The following CFAP299 variants were observed in gnomAD, a reference collection of about 807,000 sequenced individuals.
CFAP299 encodes cilia and flagella associated protein 299, also known as cilia- and flagella-associated protein 299.
A neutral mutation model predicts 27.0 loss-of-function variants in CFAP299; 21 were observed. That is an observed-to-expected ratio of 0.78 (90% CI 0.55 to 1.12). The LOEUF (loss-of-function observed/expected upper bound fraction) is 1.12. Among genes scored for constraint, CFAP299 ranks in the 50% most tolerant of loss-of-function variants. CFAP299 has a pLI of 0.00. For missense variants in CFAP299, 310 were observed against 276.6 expected (o/e 1.12, Z -0.86); for synonymous variants, 104 against 98.1 (o/e 1.06, Z -0.36).
intron 3 of CFAP299, among the ~76,000 whole-genome samples, chr4:80,738,354 T>G (rs1724039186): frequency 6.6e-6 from 1 of 152,160 alleles, no homozygotes; most frequent in Non-Finnish European, 1.5e-5. Context: ...TACTATTTAT[T>G]TGGGTCTGTG....
chr4:80,511,232 C>A (rs1283917008), intron 2 of CFAP299, among the ~76,000 whole-genome samples: 2 of 152,022 alleles, frequency 1.3e-5, no homozygotes, highest in African/African-American at 4.8e-5. Flanking sequence ...CTAGTTCATG[C>A]AGTAATTACA....
chr4:80,546,845 A>T (rs1346186871), intron 2 of CFAP299, among the ~76,000 whole-genome samples: 2 of 152,136 alleles, frequency 1.3e-5, no homozygotes, highest in African/African-American at 4.8e-5. Flanking sequence ...TGAGTCAATT[A>T]TACCTCTTTT....
At chr4:80,958,484 A>G (rs183045565) in intron 5 of CFAP299, among the ~76,000 whole-genome samples, 1 of 152,314 alleles carries the variant, frequency 6.6e-6, no homozygotes, top group Admixed American at 6.5e-5. Flanking sequence ...AGAAATAAAT[A>G]AGATCACATG....
intron 4 of CFAP299, among the ~76,000 whole-genome samples, chr4:80,915,855 C>G (rs533320184): frequency 6.6e-6 from 1 of 151,960 alleles, no homozygotes; most frequent in Admixed American, 6.6e-5. Context: ...TCCATATTCT[C>G]TTCTTACCAT....
At chr4:80,698,179 C>T (rs1324040219) in intron 3 of CFAP299, among the ~76,000 whole-genome samples, 1 of 152,078 alleles carries the variant, frequency 6.6e-6, no homozygotes, top group Non-Finnish European at 1.5e-5. Flanking sequence ...CTCTGAGGGG[C>T]CACTTTTTAT....
intron 3 of CFAP299, among the ~76,000 whole-genome samples, chr4:80,813,489 T>G (rs879594288): frequency 2.0e-5 from 3 of 151,982 alleles, no homozygotes; most frequent in Non-Finnish European, 4.4e-5. Context: ...TCATATGTAT[T>G]TACAGAAAGG....
chr4:80,412,712 T>A (rs1726784090), intron 2 of CFAP299, among the ~76,000 whole-genome samples: 1 of 152,212 alleles, frequency 6.6e-6, no homozygotes, highest in Non-Finnish European at 1.5e-5. Flanking sequence ...CATGTAGATA[T>A]GTGTCTCAAT....
chr4:80,709,053 CT>C (rs1226986375), intron 3 of CFAP299, among the ~76,000 whole-genome samples: 1 of 152,110 alleles, frequency 6.6e-6, no homozygotes, highest in Non-Finnish European at 1.5e-5. Context: ...AACATTTTAA[CT>C]TTTCTCAATA....
chr4:80,705,110 C>A (rs187914994), intron 3 of CFAP299, among the ~76,000 whole-genome samples: 1 of 151,738 alleles, frequency 6.6e-6, no homozygotes, highest in South Asian at 2.1e-4. Flanking sequence ...AAAACACGAC[C>A]TTCTCTTTGC....
At chr4:80,765,346 G>A (rs181809354) in intron 3 of CFAP299, among the ~76,000 whole-genome samples, 88 of 152,128 alleles carry the variant, frequency 5.8e-4, no homozygotes, top group African/African-American at 2.0e-3. Context: ...CAACTTTGCT[G>A]GCATAAAAGT....
At chr4:80,616,481 G>C (rs750892552) in intron 3 of CFAP299, among the ~76,000 whole-genome samples, 2 of 151,898 alleles carry the variant, frequency 1.3e-5, no homozygotes, top group Non-Finnish European at 2.9e-5. Context: ...GGGCTGTAGA[G>C]ATCATCTAGT....
intron 3 of CFAP299, among the ~76,000 whole-genome samples, chr4:80,666,220 T>C (rs1741137577): frequency 6.6e-6 from 1 of 152,192 alleles, no homozygotes; most frequent in Admixed American, 6.5e-5. Context: ...TACTTCTCCA[T>C]AGAAGCTTTC....
intron 3 of CFAP299, among the ~76,000 whole-genome samples, chr4:80,612,020 A>G (rs1356115076): frequency 6.6e-6 from 1 of 152,082 alleles, no homozygotes; most frequent in Non-Finnish European, 1.5e-5. Context: ...GATGATGGTC[A>G]TGCTCTAAAG....
intron 3 of CFAP299, among the ~76,000 whole-genome samples, chr4:80,855,593 T>C (rs1731814715): frequency 6.6e-6 from 1 of 152,136 alleles, no homozygotes; most frequent in African/African-American, 2.4e-5. Flanking sequence ...AGTGTGATGT[T>C]CCCCTTCCTG....
At chr4:80,916,100 A>G (rs534923353) in intron 4 of CFAP299, among the ~76,000 whole-genome samples, 14 of 151,130 alleles carry the variant, frequency 9.3e-5, no homozygotes, top group African/African-American at 3.4e-4. Flanking sequence ...CATCTCTAAT[A>G]AAAATACAAA....
chr4:80,856,762 T>C (rs928678647), intron 3 of CFAP299, among the ~76,000 whole-genome samples: 2 of 152,094 alleles, frequency 1.3e-5, no homozygotes, highest in Non-Finnish European at 2.9e-5. Context: ...CATTGATCTA[T>C]ATCTCTGTTT....
chr4:80,636,496 T>C (rs1360076961), intron 3 of CFAP299, among the ~76,000 whole-genome samples: 1 of 152,206 alleles, frequency 6.6e-6, no homozygotes, highest in Non-Finnish European at 1.5e-5. Context: ...ACTGCTCAAG[T>C]GACTATAAAA....
At chr4:80,830,745 G>A (rs926960607) in intron 3 of CFAP299, among the ~76,000 whole-genome samples, 2 of 152,044 alleles carry the variant, frequency 1.3e-5, no homozygotes, top group African/African-American at 4.8e-5. Context: ...AGGTAGGCAA[G>A]AGTTGATATT....
In CFAP299 at chr4:80,833,784, TC is replaced by T. The variant is rs762662714; in HGVS notation, c.334-36207del. Among the ~76,000 whole-genome samples, 9 of 152,304 alleles carry T rather than the reference TC, an allele frequency of 5.9e-5. No homozygotes were observed. In the South Asian group the frequency reaches 1.9e-3, roughly 32 times the overall value. ...GCCTATTCTATAGAAGGAAAAAGCT[TC>T]CTCTGTAGATGTGAAATGGTGGTGG... On this transcript the variant is annotated intron_variant, in intron 3 of 5. Coordinates refer to ENST00000358105, the MANE Select transcript of CFAP299 (RefSeq NM_152770.3).
Sources: allele counts gnomAD v4.1 joint callset (sites outside exome capture counted in the v4.1 genomes callset), GRCh38; gene constraint gnomAD v4.1.1; transcripts MANE v1.5; gene names NCBI Gene and HGNC (gene_info 2026-07-23, HGNC 2026-07-21).